JARID2: variants seen among roughly 807,000 people sequenced by gnomAD.
JARID2 encodes protein Jumonji.
JARID2 carries 21 observed loss-of-function variants against 125.6 expected under a neutral mutation model. That is an observed-to-expected ratio of 0.17 (90% CI 0.12 to 0.24). The LOEUF is 0.24. Ranked by LOEUF, JARID2 falls within the 10% of genes least tolerant of loss-of-function variation. The probability of loss-of-function intolerance (pLI) is 1.00; values close to 1 mark genes in which losing one functional copy is unlikely to be tolerated. For synonymous variants in JARID2, 736 were observed against 661.6 expected (o/e 1.11, Z -1.73); for missense variants, 1,303 against 1,639.6 (o/e 0.79, Z 3.55).
Position 15,507,171 on chromosome 6 carries a change from C to T in JARID2, c.2577C>T (p.Cys859=). The T allele has an allele frequency of 6.2e-7, 1 of 1,613,532 alleles. No homozygotes were observed. The highest frequency in any genetic ancestry group is 8.5e-7 in the Non-Finnish European group (1 of 1,179,422). ...GGAGGCTAGTGGAAGAGAAGGACTGCCACGTGGCAGTGCACTGCGGCAAGG... is the reference window on the plus strand; with the variant it reads ...GGAGGCTAGTGGAAGAGAAGGACTGTCACGTGGCAGTGCACTGCGGCAAGG... ...EYWRLVEEKD[C]HVAVHCGKVD... Residue 859 remains cysteine (C), a synonymous_variant, in exon 10 of 18, where the codon TGC becomes TGT. Transcript: ENST00000341776.
At chr6:15,416,407 T>G (rs995896634) in intron 3 of JARID2, among the ~76,000 whole-genome samples, 4 of 152,190 alleles carry the variant, frequency 2.6e-5, no homozygotes, top group Non-Finnish European at 5.9e-5. Context: ...CATTGAGCAC[T>G]GAGTGAACCA....
chr6:15,281,568 T>C (rs1760750258), intron 1 of JARID2, among the ~76,000 whole-genome samples: 1 of 152,204 alleles, frequency 6.6e-6, no homozygotes, highest in African/African-American at 2.4e-5. Flanking sequence ...ACAGATGGGT[T>C]CCCCGCGTGG....
chr6:15,497,227 G>GCAGTTCCCTCA, intron 7 of JARID2, 57 bp downstream of exon 7: 1 of 1,308,236 alleles, frequency 7.6e-7, no homozygotes, highest in African/African-American at 1.5e-5. Context: ...CCAGATCCCT[G>GCAGTTCCCTCA]CAGTTCCCTC....
At chr6:15,253,936 C>T (rs1377947186) in intron 1 of JARID2, among the ~76,000 whole-genome samples, 1 of 152,110 alleles carries the variant, frequency 6.6e-6, no homozygotes, top group Non-Finnish European at 1.5e-5. Flanking sequence ...TTTGCTCCCC[C>T]CTTTTGAGTT....
intron 3 of JARID2, among the ~76,000 whole-genome samples, chr6:15,435,910 A>G (rs6459406): frequency 0.41 from 61,393 of 151,568 alleles, 12,704 homozygotes; most frequent in Admixed American, 0.48. Context: ...GCTTTGCTGC[A>G]TTTTATGGTT....
chr6:15,299,564 G>A (rs1413726868), intron 1 of JARID2, among the ~76,000 whole-genome samples: 2 of 152,128 alleles, frequency 1.3e-5, no homozygotes, highest in Non-Finnish European at 2.9e-5. Flanking sequence ...ACCTCAGTTG[G>A]CCTGCGTTGA....
intron 1 of JARID2, among the ~76,000 whole-genome samples, chr6:15,342,398 A>ATAT (rs1208917446): frequency 1.3e-5 from 2 of 152,182 alleles, no homozygotes; most frequent in East Asian, 3.9e-4. Flanking sequence ...CAGACACTAA[A>ATAT]TACTGTCCAA....
At chr6:15,302,222 C>G (rs539453575) in intron 1 of JARID2, among the ~76,000 whole-genome samples, 100 of 152,248 alleles carry the variant, frequency 6.6e-4, no homozygotes, top group African/African-American at 2.3e-3. Context: ...TCGAGACCAG[C>G]CTGGCCAACG....
chr6:15,499,598 C>T (rs918591268), intron 7 of JARID2, among the ~76,000 whole-genome samples: 36 of 152,246 alleles, frequency 2.4e-4, no homozygotes, highest in African/African-American at 7.9e-4. Flanking sequence ...ACCCACCTGC[C>T]CTCGGAGGAA....
intron 1 of JARID2, among the ~76,000 whole-genome samples, chr6:15,293,129 T>A (rs1761287296): frequency 6.6e-6 from 1 of 152,222 alleles, no homozygotes; most frequent in Non-Finnish European, 1.5e-5. Flanking sequence ...CATTGTTTGA[T>A]CCAGTGCTTG....
At chr6:15,344,764 A>C (rs185684806) in intron 1 of JARID2, among the ~76,000 whole-genome samples, 2 of 152,216 alleles carry the variant, frequency 1.3e-5, no homozygotes, top group African/African-American at 4.8e-5. Context: ...TTCTGTAATA[A>C]TTTCTTAATT....
chr6:15,319,153 C>CAT, intron 1 of JARID2, among the ~76,000 whole-genome samples: 1 of 152,304 alleles, frequency 6.6e-6, no homozygotes, highest in Admixed American at 6.5e-5. Context: ...GTCTGTCTCT[C>CAT]ATATGTATAT....
At chr6:15,315,891 A>G (rs1762163682) in intron 1 of JARID2, among the ~76,000 whole-genome samples, 1 of 152,142 alleles carries the variant, frequency 6.6e-6, no homozygotes, top group Non-Finnish European at 1.5e-5. Context: ...AGGGCTCCCA[A>G]ATTTATGGAA....
rs994829561 is a variant in JARID2, at chr6:15,496,531, G to C, written c.1306G>C (p.Gly436Arg). 16 of 1,608,352 alleles carry C rather than the reference G, an allele frequency of 9.9e-6. No homozygotes were observed. Among genetic ancestry groups the C allele is most frequent in the Non-Finnish European group, 1.4e-5 (16 of 1,177,930 alleles). ...QLREGLQLRE[G>R]LRNSKRRLEE... is the part of the protein sequence containing the mutation. ...GCGGGAGGGCCTGCAGCTGCGGGAG[G>C]GGCTGCGGAACTCCAAGAGGAGACT... is the stretch of plus-strand genomic sequence containing the variant. The change falls in exon 7 of 18, where the codon GGG (glycine) becomes CGG (arginine). Residue 436 changes from glycine (G) to arginine (R), a missense_variant. By Grantham distance (125) the Gly-to-Arg change is moderately radical. Around this residue, in one of 11 missense-constraint regions of JARID2, gnomAD observed 651 missense variants for 581.6 expected, o/e 1.12. Transcript: ENST00000341776.
At chr6:15,367,053 G>T (rs1275218039) in intron 1 of JARID2, among the ~76,000 whole-genome samples, 1 of 152,064 alleles carries the variant, frequency 6.6e-6, no homozygotes, top group Non-Finnish European at 1.5e-5. Context: ...AGAGTTGGTT[G>T]ACCCATGACC....
chr6:15,347,323 C>T lies in JARID2; in HGVS notation c.46-26794C>T, dbSNP rs369732088. On this transcript the variant is annotated intron_variant, in intron 1 of 17. Coordinates refer to ENST00000341776, the MANE Select transcript of JARID2 (RefSeq NM_004973.4). ...TATGTTGATGAAATGCAGGACTTAA[C>T]GAGAATGTGTGTGGGGAGGTGGTGG... Among the ~76,000 whole-genome samples the T allele has an allele frequency of 1.2e-4, 18 of 152,192 alleles. 1 individual carries two copies. Among genetic ancestry groups the T allele is most frequent in the South Asian group, 4.2e-4 (2 of 4,806 alleles).
chr6:15,293,796 T>A (rs1157865507), intron 1 of JARID2, among the ~76,000 whole-genome samples: 1 of 152,238 alleles, frequency 6.6e-6, no homozygotes, highest in East Asian at 1.9e-4. Context: ...GTTGTTCTGC[T>A]TAAGTGGGTA....
intron 2 of JARID2, among the ~76,000 whole-genome samples, chr6:15,400,518 G>T (rs1207622969): frequency 6.6e-6 from 1 of 152,094 alleles, no homozygotes; most frequent in Non-Finnish European, 1.5e-5. Context: ...CATCTGACCG[G>T]CTGGGGACAC....
At chr6:15,441,411 G>A (rs550775380) in intron 3 of JARID2, among the ~76,000 whole-genome samples, 16 of 152,300 alleles carry the variant, frequency 1.1e-4, no homozygotes, top group East Asian at 1.9e-4. Flanking sequence ...CCCCTTAGGG[G>A]TGATCCCACA....
Sources: allele counts gnomAD v4.1 joint callset (sites outside exome capture counted in the v4.1 genomes callset), GRCh38; gene constraint gnomAD v4.1.1; regional missense constraint gnomAD v4.1.1; transcripts MANE v1.5; gene names NCBI Gene and HGNC (gene_info 2026-07-23, HGNC 2026-07-21).